Variants in NEBL observed in about 807,000 individuals in gnomAD.
The protein encoded by NEBL is LIM and SH3 protein 2.
NEBL carries 122 observed loss-of-function variants against 140.2 expected under a neutral mutation model. That is an observed-to-expected ratio of 0.87 (90% CI 0.75 to 1.01). The LOEUF (loss-of-function observed/expected upper bound fraction) is 1.01, where lower values mean the gene tolerates loss of function less well. NEBL is among the 50% of genes least tolerant of loss of function. The probability of loss-of-function intolerance (pLI) is 0.00; values close to 1 mark genes in which losing one functional copy is unlikely to be tolerated. For missense variants in NEBL, 1,365 were observed against 1,231.3 expected, an observed-to-expected ratio of 1.11 and a Z score of -1.62; for synonymous variants, 436 against 398.9, an observed-to-expected ratio of 1.09 and a Z score of -1.11.
chr10:21,253,400 C>T (rs1197978721), intron 1 of NEBL, among the ~76,000 whole-genome samples: 2 of 152,062 alleles, frequency 1.3e-5, no homozygotes, highest in Non-Finnish European at 1.5e-5. Context: ...ATAATCTGGA[C>T]GCTCCTGACC....
At chr10:21,237,388 A>T (rs1842370219) in intron 3 of NEBL, among the ~76,000 whole-genome samples, 1 of 151,940 alleles carries the variant, frequency 6.6e-6, no homozygotes, top group African/African-American at 2.4e-5. Context: ...TATTTTTAGT[A>T]GAGACGAGGT....
At chr10:21,275,704 A>C (rs1588589644) in intron 1 of NEBL, among the ~76,000 whole-genome samples, 1 of 143,338 alleles carries the variant, frequency 7.0e-6, no homozygotes, top group Admixed American at 7.2e-5. Flanking sequence ...GCAATGACGG[A>C]ATCTTGGCTC....
intron 3 of NEBL, among the ~76,000 whole-genome samples, chr10:21,213,966 G>C (rs1284108796): frequency 6.6e-6 from 1 of 152,104 alleles, no homozygotes; most frequent in African/African-American, 2.4e-5. Flanking sequence ...GTAAGTATCG[G>C]CTGGTAAAGG....
intron 2 of NEBL, among the ~76,000 whole-genome samples, chr10:21,084,851 T>C (rs1006196073): frequency 1.3e-5 from 2 of 152,336 alleles, no homozygotes; most frequent in East Asian, 1.9e-4. Flanking sequence ...AGACTCAACA[T>C]GACTTTACCA....
At chr10:20,806,428 T>C (rs1404372415) in intron 26 of NEBL, among the ~76,000 whole-genome samples, 3 of 152,180 alleles carry the variant, frequency 2.0e-5, no homozygotes, top group Non-Finnish European at 2.9e-5. Context: ...AATGCATGCG[T>C]CTGTCCTATC....
At chr10:21,077,464 A>C (rs2131924086) in intron 2 of NEBL, among the ~76,000 whole-genome samples, 1 of 152,120 alleles carries the variant, frequency 6.6e-6, no homozygotes, top group Admixed American at 6.6e-5. Flanking sequence ...AAAATTAGCC[A>C]GGCATGGTGG....
rs1842740341 is a variant in NEBL, at chr10:21,261,628, C to G, written n.183-9800G>C. ...CACCATTGCACACCATCCCAGGTAA[C>G]AGAGTGAGACCCTGTCTCAAAAAAA... On this transcript the variant is annotated intron_variant and non_coding_transcript_variant, in intron 1 of 8. Coordinates refer to the NEBL transcript ENST00000675702. Among the ~76,000 whole-genome samples, 5 of 150,328 alleles carry G rather than the reference C, an allele frequency of 3.3e-5. No homozygotes were observed. In the Admixed American group the frequency reaches 3.3e-4, roughly 10 times the overall value.
chr10:21,068,609 T>C (rs1269393157), intron 2 of NEBL, among the ~76,000 whole-genome samples: 1 of 152,170 alleles, frequency 6.6e-6, no homozygotes, highest in African/African-American at 2.4e-5. Flanking sequence ...CACCTGACCA[T>C]AGACCCCGGA....
intron 2 of NEBL, chr10:21,170,594 C>A (rs1841029239): frequency 1.3e-5 from 2 of 152,516 alleles, no homozygotes; most frequent in African/African-American, 2.4e-5. Context: ...ATAGGAAGCA[C>A]GGTGTAGGAG....
At chr10:20,920,547 A>G (rs1195329568) in intron 4 of NEBL, among the ~76,000 whole-genome samples, 10 of 152,218 alleles carry the variant, frequency 6.6e-5, no homozygotes, top group Non-Finnish European at 2.9e-5. Context: ...TGTACTGTAA[A>G]TTACCATTTG....
Position 20,917,433 on chromosome 10 carries a change from G to C in NEBL, c.357+44239C>G, listed in dbSNP as rs867609327. ...CCATTGGCGTCACAACAGAAGCAAA[G>C]GGTAGAAGGAGCATTGCTGAATTAG... On this transcript the variant is annotated intron_variant, in intron 4 of 6. Transcript: ENST00000417816. 2.0e-5 allele frequency among the ~76,000 whole-genome samples: 3 copies of C among 152,208 alleles called. No homozygotes were observed. In the East Asian group the frequency reaches 5.8e-4, roughly 29 times the overall value.
intron 12 of NEBL, among the ~76,000 whole-genome samples, chr10:20,841,839 T>A (rs528288785): frequency 2.6e-5 from 4 of 152,156 alleles, no homozygotes; most frequent in Non-Finnish European, 5.9e-5. Context: ...GCTGTCTCCA[T>A]GCAATTTAAA....
chr10:20,822,117 C>A (rs565667198), intron 19 of NEBL, among the ~76,000 whole-genome samples: 1 of 152,048 alleles, frequency 6.6e-6, no homozygotes, highest in Non-Finnish European at 1.5e-5. Flanking sequence ...AGTAAGCACC[C>A]AACAAATAAC....
intron 4 of NEBL, among the ~76,000 whole-genome samples, chr10:20,933,138 G>A (rs966879335): frequency 6.6e-6 from 1 of 151,916 alleles, no homozygotes; most frequent in African/African-American, 2.4e-5. Context: ...GGCATGAACT[G>A]GGGATCCCCA....
intron 4 of NEBL, among the ~76,000 whole-genome samples, chr10:20,882,612 G>A (rs1373699741): frequency 6.6e-6 from 1 of 152,006 alleles, no homozygotes; most frequent in Non-Finnish European, 1.5e-5. Context: ...ATTCTTGTGA[G>A]CTTAAACTCT....
rs1249345860 is a variant in NEBL, at chr10:20,782,790, G to A, written c.*2957C>T. Reference sequence around the variant, plus strand: ...TAAACAATAACAAGAAGACATGAAGGATTCATTTTGCCATAGGTTAGAAAT... The same window carrying A: ...TAAACAATAACAAGAAGACATGAAGAATTCATTTTGCCATAGGTTAGAAAT... On this transcript the variant is annotated 3_prime_UTR_variant, in exon 28 of 28. Transcript: ENST00000377122. The A allele has an allele frequency of 6.6e-6, 1 of 152,362 alleles. No individual in the cohort carries two copies. The highest frequency in any genetic ancestry group is 1.5e-5 in the Non-Finnish European group (1 of 68,030). 9.4% of individuals were successfully genotyped at this position (152,362 alleles called of 1,614,324 possible).
intron 7 of NEBL, among the ~76,000 whole-genome samples, chr10:20,861,834 C>T (rs1014786985): frequency 2.6e-5 from 4 of 152,150 alleles, no homozygotes; most frequent in African/African-American, 9.7e-5. Context: ...ACAGACACCC[C>T]TTCCTCAACT....
chr10:21,102,210 T>C (rs1837510448), intron 2 of NEBL, among the ~76,000 whole-genome samples: 2 of 152,238 alleles, frequency 1.3e-5, no homozygotes, highest in Admixed American at 1.3e-4. Flanking sequence ...TCTTACCCAA[T>C]GCACAATCTA....
intron 13 of NEBL, among the ~76,000 whole-genome samples, chr10:20,837,144 T>C (rs1484619415): frequency 1.3e-5 from 2 of 152,008 alleles, no homozygotes; most frequent in African/African-American, 4.8e-5. Flanking sequence ...TGACTGAGCT[T>C]AGTGAGGAAA....
Sources: gnomAD v4.1 joint callset for allele counts (sites outside exome capture counted in the v4.1 genomes callset) on GRCh38, gnomAD v4.1.1 for gene constraint, MANE v1.5 for transcripts, NCBI Gene and HGNC (gene_info 2026-07-23, HGNC 2026-07-21) for gene names.